Variants in ARL6IP6 observed in about 807,000 individuals in gnomAD.
ARL6IP6 encodes the protein ARF like GTPase 6 interacting protein 6.
In ARL6IP6, 22 loss-of-function variants were observed where a neutral mutation model predicts 21.5. The ratio of observed to expected loss-of-function variants is 1.02; its 90% CI spans 0.73 to 1.46. The LOEUF is 1.46. Ranked by LOEUF, ARL6IP6 falls within the 40% of genes most tolerant of loss-of-function variation. The pLI, the probability that ARL6IP6 is intolerant of heterozygous loss-of-function variation, is 0.00. For missense variants in ARL6IP6, 388 were observed against 299.8 expected (o/e 1.29, Z -2.17); for synonymous variants, 164 against 125.3 (o/e 1.31, Z -2.06).
Position 152,761,284 on chromosome 2 carries a change from C to G in ARL6IP6, c.*1444C>G, listed in dbSNP as rs1172728613. The G allele has an allele frequency of 6.6e-6, 1 of 151,778 alleles. No individual in the cohort carries two copies. The highest frequency in any genetic ancestry group is 6.6e-5 in the Admixed American group (1 of 15,216). 9.4% of individuals were successfully genotyped at this position (151,778 alleles called of 1,614,324 possible). A position where few individuals can be genotyped will look rare whatever the true frequency, so the allele number is the denominator to read the frequency against. On this transcript the variant is annotated 3_prime_UTR_variant, in exon 4 of 4. Coordinates refer to ENST00000326446, the MANE Select transcript of ARL6IP6 (RefSeq NM_152522.7). ...GTGTGTGTGTATCTAAATATCAATC[C>G]CATGGCTTAAGTATTCCTACCAGAG... is the stretch of plus-strand genomic sequence containing the variant.
chr2:152,730,302 TTA>T (rs1273538929), intron 2 of ARL6IP6, among the ~76,000 whole-genome samples: 5 of 152,348 alleles, frequency 3.3e-5, no homozygotes, highest in Non-Finnish European at 7.4e-5. Flanking sequence ...TTGATTATTT[TTA>T]TGTTACTTTG....
chr2:152,741,202 A>C (rs1323146316), intron 3 of ARL6IP6, among the ~76,000 whole-genome samples: 1 of 152,144 alleles, frequency 6.6e-6, no homozygotes, highest in Non-Finnish European at 1.5e-5. Context: ...CAAAAAAGAA[A>C]AAGAAAAATG....
In ARL6IP6 at chr2:152,759,967, C is replaced by A; in HGVS notation, c.*127C>A. On this transcript the variant is annotated 3_prime_UTR_variant, in exon 4 of 4. Transcript: ENST00000326446. ...TTCATTATGTAGTTCAGATATTTAT[C>A]ACAATCATCCTCATTATGGAAGACC... 1 of 717,266 alleles carries A rather than the reference C, an allele frequency of 1.4e-6. No homozygotes were observed. Among genetic ancestry groups the A allele is most frequent in the South Asian group, 1.7e-5 (1 of 58,626 alleles). The allele number at this position is 717,266 out of a possible 1,614,324, so 44.4% of individuals were successfully genotyped here.
At chr2:152,751,846 A>G (rs139095959) in intron 3 of ARL6IP6, among the ~76,000 whole-genome samples, 32 of 152,288 alleles carry the variant, frequency 2.1e-4, no homozygotes, top group Middle Eastern at 3.4e-3. Flanking sequence ...TGGGGTACAC[A>G]TATCTCTTGA....
At chr2:152,730,381 A>G (rs1700251217) in intron 2 of ARL6IP6, among the ~76,000 whole-genome samples, 1 of 152,116 alleles carries the variant, frequency 6.6e-6, no homozygotes, top group Non-Finnish European at 1.5e-5. Flanking sequence ...TATTTTTCTT[A>G]ACTATCATCT....
At chr2:152,719,094 C>G in intron 1 of ARL6IP6, 70 bp downstream of exon 1, 1 of 1,425,858 alleles carries the variant, frequency 7.0e-7, no homozygotes, top group Non-Finnish European at 9.2e-7. Context: ...TCGTCTCCAC[C>G]CATCTCCCTT....
In ARL6IP6 at chr2:152,762,020, C is replaced by A. The variant is rs1701867569; in HGVS notation, c.*2180C>A. ...TCCCCTTTTTTGGGAAATGACCCTC[C>A]TCTCTCCAGTCTGACACAGGGTCCA... On this transcript the variant is annotated 3_prime_UTR_variant, in exon 4 of 4. Transcript: ENST00000326446. Among the ~76,000 whole-genome samples, 1 of 152,114 alleles carries A rather than the reference C, an allele frequency of 6.6e-6. No individual in the cohort carries two copies. The highest frequency in any genetic ancestry group is 6.5e-5 in the Admixed American group (1 of 15,270).
intron 3 of ARL6IP6, among the ~76,000 whole-genome samples, chr2:152,753,483 A>C (rs1701432159): frequency 6.6e-6 from 1 of 151,732 alleles, no homozygotes; most frequent in South Asian, 2.1e-4. Flanking sequence ...TTAGGTTATG[A>C]TTTGAAATTT....
chr2:152,746,001 CTTTTTTTTT>C (rs67760283), intron 3 of ARL6IP6, among the ~76,000 whole-genome samples: 15 of 66,388 alleles, frequency 2.3e-4, no homozygotes, highest in African/African-American at 1.0e-3. Flanking sequence ...TGCTTTGTAC[CTTTTTTTTT>C]TTTTTTTTTT....
chr2:152,732,664 T>C lies in ARL6IP6; in HGVS notation c.455-2330T>C, dbSNP rs76172583. The C allele has an allele frequency of 5.6e-3, 2,001 of 358,362 alleles. 36 individuals are homozygous for C. The highest frequency in any genetic ancestry group is 0.041 in the African/African-American group (1,857 of 45,752). 22.2% of individuals were successfully genotyped at this position (358,362 alleles called of 1,614,324 possible). The stretch of plus-strand genomic sequence containing the variant: ...ATATAGTAATATGTGTGTTTACCTA[T>C]ATACAGTTGTCCCTCAGTATCCATG... On this transcript the variant is annotated intron_variant, in intron 2 of 3. Coordinates refer to ENST00000326446, the MANE Select transcript of ARL6IP6 (RefSeq NM_152522.7).
chr2:152,738,416 C>G (rs574629412), intron 3 of ARL6IP6, among the ~76,000 whole-genome samples: 1 of 152,254 alleles, frequency 6.6e-6, no homozygotes, highest in Non-Finnish European at 1.5e-5. Context: ...CCACATTTCC[C>G]TTCTGCACTG....
At chr2:152,719,933 C>T (rs1465581795) in intron 1 of ARL6IP6, 6 of 470,976 alleles carry the variant, frequency 1.3e-5, no homozygotes, top group Admixed American at 7.1e-5. Context: ...GCATCTAAAA[C>T]CTTACAATGC....
chr2:152,720,030 AGCT>A (rs1699700049), intron 1 of ARL6IP6: 1 of 449,216 alleles, frequency 2.2e-6, no homozygotes, highest in African/African-American at 2.0e-5. Context: ...ATAAAATGCA[AGCT>A]GTCAGTCTTA....
At position 152,718,988 on chromosome 2, in the gene ARL6IP6, G is replaced by T; in HGVS notation, c.364G>T (p.Ala122Ser). 6.3e-7 allele frequency: 1 copy of T among 1,583,976 alleles called. No homozygotes were observed. Among genetic ancestry groups the T allele is most frequent in the Non-Finnish European group, 8.6e-7 (1 of 1,162,448 alleles). Residue 122 changes from alanine to serine, a missense_variant, in exon 1 of 4, where the codon GCC (alanine) becomes TCC (serine). Transcript: ENST00000326446. ...CTCGCTGCTCTTCGCCATTCTTCTC[G>T]CCTTCCTCCTCGCCATCGCCTACTT... ...LCSLLFAILL[A>S]FLLAIAYLIV... is the part of the protein sequence containing the mutation.
Position 152,762,357 on chromosome 2 carries a change from G to A in ARL6IP6, c.*2517G>A, listed in dbSNP as rs183628340. 2.6e-5 allele frequency among the ~76,000 whole-genome samples: 4 copies of A among 152,188 alleles called. No homozygotes were observed. Among genetic ancestry groups the A allele is most frequent in the Admixed American group, 6.5e-5 (1 of 15,282 alleles). On this transcript the variant is annotated 3_prime_UTR_variant, in exon 4 of 4. Transcript: ENST00000326446. ...GTGGCAATCCTGCCATTCTTGATACGTGAGTCAATAAATTTCTGTCTTTTG... is the reference window on the plus strand; with the variant it reads ...GTGGCAATCCTGCCATTCTTGATACATGAGTCAATAAATTTCTGTCTTTTG...
chr2:152,761,760 C>A lies in ARL6IP6; in HGVS notation c.*1920C>A, dbSNP rs533686349. On this transcript the variant is annotated 3_prime_UTR_variant, in exon 4 of 4. Transcript: ENST00000326446. ...AGGTTTATAGTCTAGGAGCAATAAGCTATACCATATAGCCTAGGTGTGTAG... is the reference window on the plus strand; with the variant it reads ...AGGTTTATAGTCTAGGAGCAATAAGATATACCATATAGCCTAGGTGTGTAG... 1.3e-5 allele frequency among the ~76,000 whole-genome samples: 2 copies of A among 152,214 alleles called. No individual in the cohort carries two copies. Among genetic ancestry groups the A allele is most frequent in the East Asian group, 3.9e-4 (2 of 5,178 alleles).
In ARL6IP6 at chr2:152,718,723, G is replaced by C. The variant is rs912648826; in HGVS notation, c.99G>C (p.Gln33His). Residue 33 changes from glutamine to histidine, a missense_variant, in exon 1 of 4, where the codon CAG (glutamine) becomes CAC (histidine). Gln to His is a conservative substitution (Grantham distance 24). Coordinates refer to ENST00000326446, the MANE Select transcript of ARL6IP6 (RefSeq NM_152522.7). ...GGCCATCGTATTCCTCCTTTACTCA[G>C]GGGGACAGCTGGGGTGAAGGCGAAG... ...VARPSYSSFT[Q>H]GDSWGEGEVD... 4 of 1,610,162 alleles carry C rather than the reference G, an allele frequency of 2.5e-6. No homozygotes were observed. The African/African-American group carries it at 5.3e-5, about 22-fold the overall frequency.
chr2:152,719,473 T>C (rs141876631), intron 1 of ARL6IP6, among the ~76,000 whole-genome samples: 3 of 152,348 alleles, frequency 2.0e-5, no homozygotes, highest in East Asian at 3.9e-4. Flanking sequence ...TTTCATCGCA[T>C]AGTCCAAATT....
chr2:152,726,383 A>G (rs1700052734), intron 2 of ARL6IP6, among the ~76,000 whole-genome samples: 1 of 152,120 alleles, frequency 6.6e-6, no homozygotes, highest in Non-Finnish European at 1.5e-5. Flanking sequence ...CACTATGCTC[A>G]TGTTGCATTG....
Sources: allele counts gnomAD v4.1 joint callset (sites outside exome capture counted in the v4.1 genomes callset), GRCh38; gene constraint gnomAD v4.1.1; transcripts MANE v1.5; gene names NCBI Gene and HGNC (gene_info 2026-07-23, HGNC 2026-07-21).